The following TRIM33 variants were observed in gnomAD, a reference collection of about 807,000 sequenced individuals.
TRIM33 encodes tripartite motif containing 33.
Under a neutral mutation model 125.4 loss-of-function variants are expected in TRIM33, and 20 were observed. That is an observed-to-expected ratio of 0.16 (90% CI 0.11 to 0.23). TRIM33 has a LOEUF of 0.23. TRIM33 is among the 10% of genes least tolerant of loss of function. TRIM33 has a pLI of 1.00. For synonymous variants in TRIM33, 564 were observed against 513.9 expected (o/e 1.10, Z -1.32); for missense variants, 920 against 1,411.4 (o/e 0.65, Z 5.58).
intron 1 of TRIM33, among the ~76,000 whole-genome samples, chr1:114,504,161 T>A (rs1458644876): frequency 2.6e-5 from 4 of 151,402 alleles, no homozygotes; most frequent in Non-Finnish European, 4.4e-5. Flanking sequence ...TTTTTTATTT[T>A]TTTATTTTTT....
At chr1:114,404,288 ACC>A (rs1652096404) in intron 15 of TRIM33, 2 of 150,372 alleles carry the variant, frequency 1.3e-5, no homozygotes, top group Non-Finnish European at 3.0e-5. Flanking sequence ...GGTGTGTGCC[ACC>A]ATGCCTGGCT....
intron 5 of TRIM33, among the ~76,000 whole-genome samples, chr1:114,431,177 G>A (rs963251968): frequency 6.6e-6 from 1 of 152,216 alleles, no homozygotes. Context: ...ATCTACTTAA[G>A]TAACTATGAC....
chr1:114,423,444 T>C (rs145964703), intron 10 of TRIM33, among the ~76,000 whole-genome samples: 2 of 152,332 alleles, frequency 1.3e-5, no homozygotes, highest in African/African-American at 4.8e-5. Context: ...TTTTTAACTT[T>C]ATAGCATCAA....
At chr1:114,435,528 G>C (rs1466743238) in intron 4 of TRIM33, among the ~76,000 whole-genome samples, 1 of 152,156 alleles carries the variant, frequency 6.6e-6, no homozygotes, top group East Asian at 1.9e-4. Context: ...AGGCAGACAA[G>C]AGGAAAGACT....
Position 114,421,610 on chromosome 1 carries a change from G to C in TRIM33, c.1887C>G (p.Pro629=), listed in dbSNP as rs55763520. The change falls in exon 11 of 20, where the codon CCC becomes CCG. Residue 629 remains proline (P), a synonymous_variant. Transcript: ENST00000358465. ...TGTTGTGTACCGATACTACGGGAAA[G>C]GGTCCAGCATGCCCTGGGTTTGAGT... ...RQHSNPGHAG[P]FPVVSVHNTT... 3.3e-3 allele frequency: 5,352 copies of C among 1,614,082 alleles called. 26 individuals are homozygous for C. The highest frequency in any genetic ancestry group is 0.01 in the South Asian group (931 of 91,084).
At position 114,435,193 on chromosome 1, in the gene TRIM33, T is replaced by C. The variant is rs141681095; in HGVS notation, c.924-1460A>G. ...AATATAAAAGACCCAAAGAAGGGAA[T>C]AGAAGGGAAAGACCAGCTAAAACTC... On this transcript the variant is annotated intron_variant, in intron 4 of 19. Coordinates refer to ENST00000358465, the MANE Select transcript of TRIM33 (RefSeq NM_015906.4). 6.0e-4 allele frequency among the ~76,000 whole-genome samples: 91 copies of C among 152,174 alleles called. 1 individual carries two copies. Among genetic ancestry groups the C allele is most frequent in the African/African-American group, 2.1e-3 (86 of 41,522 alleles).
intron 1 of TRIM33, among the ~76,000 whole-genome samples, chr1:114,481,821 G>A (rs1181796633): frequency 2.0e-5 from 3 of 151,682 alleles, no homozygotes; most frequent in South Asian, 2.1e-4. Context: ...GGGCAGTGGC[G>A]TGATCGCACC....
At chr1:114,480,109 G>A (rs1230936074) in intron 1 of TRIM33, among the ~76,000 whole-genome samples, 2 of 152,182 alleles carry the variant, frequency 1.3e-5, no homozygotes, top group South Asian at 4.1e-4. Context: ...GTAGACATAG[G>A]AGACTCCATT....
intron 18 of TRIM33, among the ~76,000 whole-genome samples, chr1:114,398,931 C>A (rs3789617): frequency 0.56 from 77,829 of 138,904 alleles, 22,658 homozygotes; most frequent in African/African-American, 0.77. Context: ...CAAAACAAAA[C>A]AAAAAACAAA....
At chr1:114,424,918 A>C (rs1439218940) in intron 9 of TRIM33, among the ~76,000 whole-genome samples, 163 bp from the exon 10 acceptor site, 1 of 152,134 alleles carries the variant, frequency 6.6e-6, no homozygotes. Flanking sequence ...ACTGGTAATG[A>C]CTAGTTTGTA....
intron 17 of TRIM33, among the ~76,000 whole-genome samples, chr1:114,400,726 G>A (rs72693901): frequency 2.6e-5 from 4 of 152,090 alleles, no homozygotes; most frequent in African/African-American, 9.7e-5. Context: ...GGCCTGGTAT[G>A]TAATAATGTA....
At chr1:114,449,473 A>G (rs1255675611) in intron 4 of TRIM33, among the ~76,000 whole-genome samples, 3 of 152,144 alleles carry the variant, frequency 2.0e-5, no homozygotes, top group African/African-American at 7.2e-5. Flanking sequence ...AAATACAGAT[A>G]AAAAATGTAA....
In TRIM33 at chr1:114,410,173, G is replaced by T; in HGVS notation, c.2194+11C>A. The T allele has an allele frequency of 6.2e-7, 1 of 1,613,576 alleles. No homozygotes were observed. The highest frequency in any genetic ancestry group is 8.5e-7 in the Non-Finnish European group (1 of 1,179,812). Reference sequence around the variant, plus strand: ...GGTGTTAAAAAATAAGGTAATACCCGTTTGCTTTACCTGATGATCCCGGAG... The same window carrying T: ...GGTGTTAAAAAATAAGGTAATACCCTTTTGCTTTACCTGATGATCCCGGAG... On this transcript the variant is annotated intron_variant, in intron 12 of 19. Transcript: ENST00000358465.
At chr1:114,507,983 G>A (rs556770257) in intron 1 of TRIM33, among the ~76,000 whole-genome samples, 19 of 152,220 alleles carry the variant, frequency 1.2e-4, no homozygotes, top group African/African-American at 4.6e-4. Flanking sequence ...CAGGCGTGGT[G>A]ATATGCGCCT....
At chr1:114,436,605 C>T (rs1381565590) in intron 4 of TRIM33, among the ~76,000 whole-genome samples, 1 of 151,926 alleles carries the variant, frequency 6.6e-6, no homozygotes. Context: ...GCTGGGACTA[C>T]AGACATACAC....
At position 114,396,357 on chromosome 1, in the gene TRIM33, C is replaced by CAGA. The variant is rs1651544701; in HGVS notation, c.*1290_*1291insTCT. ...TTGGCTCATTTTCAGGATTTACTTA[C>CAGA]AGGTCTCTTCTAAGTCCTTTAAGCC... On this transcript the variant is annotated 3_prime_UTR_variant, in exon 20 of 20. Coordinates refer to ENST00000358465, the MANE Select transcript of TRIM33 (RefSeq NM_015906.4). The CAGA allele has an allele frequency of 4.9e-6, 1 of 203,738 alleles. No individual in the cohort carries two copies. Among genetic ancestry groups the CAGA allele is most frequent in the Non-Finnish European group, 1.0e-5 (1 of 99,064 alleles). The allele number at this position is 203,738 out of a possible 1,614,324, so 12.6% of individuals were successfully genotyped here.
Position 114,394,716 on chromosome 1 carries a change from C to T in TRIM33, c.*2932G>A, listed in dbSNP as rs1651452254. ...TGGTTTGATGTTTCCATATAGAGCA[C>T]GACCTACAATCTAACCATACTTTAG... On this transcript the variant is annotated 3_prime_UTR_variant, in exon 20 of 20. Transcript: ENST00000358465. The T allele has an allele frequency of 2.0e-5, 4 of 200,748 alleles. No homozygotes were observed. The highest frequency in any genetic ancestry group is 3.8e-4 in the South Asian group (2 of 5,254). 12.4% of individuals were successfully genotyped at this position (200,748 alleles called of 1,614,324 possible). A position where few individuals can be genotyped will look rare whatever the true frequency, so the allele number is the denominator to read the frequency against.
chr1:114,472,890 T>C (rs1650735762), intron 1 of TRIM33, among the ~76,000 whole-genome samples: 1 of 151,408 alleles, frequency 6.6e-6, no homozygotes, highest in Non-Finnish European at 1.5e-5. Context: ...ACTCATGACA[T>C]ACATGGGAAC....
In TRIM33 at chr1:114,487,921, AAAAAAAAAAT is replaced by A. The variant is rs1414216474; in HGVS notation, c.526+22620_526+22629del. ...TCCGTCTCAAAAAAAAAAAAAAAAAAAAAAAAAAATGAGAGTAAATATAATAGATTTCTTC... is the reference window on the plus strand; with the variant it reads ...TCCGTCTCAAAAAAAAAAAAAAAAAAGAGAGTAAATATAATAGATTTCTTC... On this transcript the variant is annotated intron_variant, in intron 1 of 19. Coordinates refer to ENST00000358465, the MANE Select transcript of TRIM33 (RefSeq NM_015906.4). Among the ~76,000 whole-genome samples, 2 of 150,270 alleles carry A rather than the reference AAAAAAAAAAT, an allele frequency of 1.3e-5. 1 individual carries two copies. The highest frequency in any genetic ancestry group is 4.9e-5 in the African/African-American group (2 of 40,948).
Sources: allele counts gnomAD v4.1 joint callset (sites outside exome capture counted in the v4.1 genomes callset), GRCh38; gene constraint gnomAD v4.1.1; transcripts MANE v1.5; gene names NCBI Gene and HGNC (gene_info 2026-07-23, HGNC 2026-07-21).